CELF2: variants seen among roughly 807,000 people sequenced by gnomAD.
The protein encoded by CELF2 is CUGBP Elav-like family member 2.
A neutral mutation model predicts 62.6 loss-of-function variants in CELF2; 8 were observed. That is an observed-to-expected ratio of 0.13 (90% CI 0.07 to 0.23). CELF2 has a LOEUF of 0.23. CELF2 is among the 10% of genes least tolerant of loss of function. The pLI is 1.00. For synonymous variants in CELF2, 258 were observed against 250.0 expected (o/e 1.03, Z -0.30); for missense variants, 333 against 671.0 (o/e 0.50, Z 5.56).
chr10:11,176,781 A>G (rs913438394), intron 2 of CELF2, among the ~76,000 whole-genome samples: 1 of 152,126 alleles, frequency 6.6e-6, no homozygotes, highest in Non-Finnish European at 1.5e-5. Context: ...ACTACCATCA[A>G]CAAGGCGTTA....
In CELF2 at chr10:10,834,028, C is replaced by T. The variant is rs117895803; in HGVS notation, c.53+35211C>T. On this transcript the variant is annotated intron_variant, in intron 1 of 13. Coordinates refer to the CELF2 transcript ENST00000636488. ...ACTTGTACATGTATGTTCATTGCAG[C>T]ACCATTCACAATAGCAAAGACACGG... Among the ~76,000 whole-genome samples, 1,129 of 152,312 alleles carry T rather than the reference C, an allele frequency of 7.4e-3. 6 individuals carry two copies. The highest frequency in any genetic ancestry group is 0.012 in the Non-Finnish European group (812 of 68,030).
chr10:10,633,142 G>C, the CELF2 span, among the ~76,000 whole-genome samples: 5 of 152,088 alleles, frequency 3.3e-5, no homozygotes, highest in South Asian at 2.1e-4. Context: ...TGGGCTTTTG[G>C]GCTATGCTTA....
rs199791747 is a variant in CELF2, at chr10:11,331,604, TAAAAA to T, written c.*2558_*2562del. On this transcript the variant is annotated 3_prime_UTR_variant, in exon 13 of 13. Coordinates refer to ENST00000633077, the MANE Select transcript of CELF2 (RefSeq NM_001326342.2). Reference sequence around the variant, plus strand: ...GTGTTTTGTATAAATCCCTAATATTTAAAAAAAAAAACAAAACAAAAAAAGGTTAC... The same window carrying T: ...GTGTTTTGTATAAATCCCTAATATTTAAAAAACAAAACAAAAAAAGGTTAC... 6.8e-6 allele frequency: 1 copy of T among 146,184 alleles called. No individual in the cohort carries two copies. Among genetic ancestry groups the T allele is most frequent in the African/African-American group, 2.5e-5 (1 of 39,834 alleles). The allele number at this position is 146,184 out of a possible 1,614,324, so 9.1% of individuals were successfully genotyped here.
At chr10:11,212,615 C>T (rs908737633) in intron 2 of CELF2, among the ~76,000 whole-genome samples, 4 of 152,170 alleles carry the variant, frequency 2.6e-5, no homozygotes, top group Non-Finnish European at 4.4e-5. Context: ...TCTGGGCTCA[C>T]CTCTCCCGAG....
intron 4 of CELF2, 173 bp from the exon 5 acceptor site, chr10:11,257,565 T>A: frequency 3.4e-6 from 2 of 587,776 alleles, no homozygotes; most frequent in Middle Eastern, 2.6e-4. Context: ...TGGGAGGGAG[T>A]GGCAGGGTGG....
chr10:11,189,990 C>T (rs186497008), intron 2 of CELF2, among the ~76,000 whole-genome samples: 2 of 152,178 alleles, frequency 1.3e-5, no homozygotes, highest in African/African-American at 4.8e-5. Context: ...TTTTTGTTGA[C>T]AGCTTCTCTT....
In CELF2 at chr10:11,061,843, C is replaced by A. The variant is rs141490139; in HGVS notation, c.74+43680C>A. ...GTTTGTTTTAATTGAGGCAGAGTCT[C>A]GCTCTGTCACCTAGGCTGGAGTGCA... On this transcript the variant is annotated intron_variant, in intron 1 of 12. Coordinates refer to ENST00000633077, the MANE Select transcript of CELF2 (RefSeq NM_001326342.2). Among the ~76,000 whole-genome samples the A allele has an allele frequency of 9.1e-3, 1,390 of 152,326 alleles. 21 individuals are homozygous for A. The highest frequency in any genetic ancestry group is 0.032 in the African/African-American group (1,318 of 41,570).
At chr10:10,999,071 T>C (rs182650753) in intron 2 of CELF2, among the ~76,000 whole-genome samples, 17 of 152,308 alleles carry the variant, frequency 1.1e-4, no homozygotes, top group African/African-American at 4.1e-4. Flanking sequence ...TCAAGGAATG[T>C]ATCAAATCCT....
At chr10:11,213,103 G>T (rs781053602) in intron 2 of CELF2, among the ~76,000 whole-genome samples, 27 of 141,328 alleles carry the variant, frequency 1.9e-4, no homozygotes, top group Non-Finnish European at 3.2e-4. Context: ...CCTCTAACAT[G>T]GAGCGAGGCC....
At chr10:11,256,498 T>C (rs1486100607) in intron 4 of CELF2, among the ~76,000 whole-genome samples, 1 of 150,570 alleles carries the variant, frequency 6.6e-6, no homozygotes, top group Non-Finnish European at 1.5e-5. Context: ...AAGAAATAGG[T>C]ATGCACAAGT....
intron 2 of CELF2, among the ~76,000 whole-genome samples, chr10:11,180,352 C>T (rs778898459): frequency 6.6e-6 from 1 of 152,184 alleles, no homozygotes; most frequent in Non-Finnish European, 1.5e-5. Flanking sequence ...CCTCCACCAC[C>T]GCTTCTGTGA....
chr10:10,961,653 T>C (rs2049516549), intron 2 of CELF2, among the ~76,000 whole-genome samples: 1 of 150,592 alleles, frequency 6.6e-6, no homozygotes, highest in Non-Finnish European at 1.5e-5. Context: ...GGCTGAGACA[T>C]GAAAATGGCT....
At chr10:10,940,178 C>T (rs1259935699) in intron 2 of CELF2, among the ~76,000 whole-genome samples, 1 of 152,114 alleles carries the variant, frequency 6.6e-6, no homozygotes, top group African/African-American at 2.4e-5. Context: ...ATGTCAGCTA[C>T]CTTAACTCTA....
chr10:10,690,527 A>G, the CELF2 span, among the ~76,000 whole-genome samples: 1 of 152,174 alleles, frequency 6.6e-6, no homozygotes, highest in Non-Finnish European at 1.5e-5. Context: ...CAAGCATCCC[A>G]TCAGTACACA....
At chr10:10,566,138 C>T in the CELF2 span, among the ~76,000 whole-genome samples, 1 of 152,114 alleles carries the variant, frequency 6.6e-6, no homozygotes, top group Non-Finnish European at 1.5e-5. Flanking sequence ...TCTTTACCCT[C>T]AAGGAACTAG....
At chr10:11,292,782 A>G (rs1468282412) in intron 9 of CELF2, among the ~76,000 whole-genome samples, 3 of 152,140 alleles carry the variant, frequency 2.0e-5, no homozygotes, top group Non-Finnish European at 4.4e-5. Flanking sequence ...CACCCTGCTA[A>G]ATGGATTGTC....
At chr10:10,875,970 A>G (rs528780706) in intron 1 of CELF2, among the ~76,000 whole-genome samples, 1 of 152,322 alleles carries the variant, frequency 6.6e-6, no homozygotes, top group East Asian at 1.9e-4. Context: ...CAGCAAGAGA[A>G]AACCTACCTA....
intron 2 of CELF2, among the ~76,000 whole-genome samples, chr10:10,985,722 A>G (rs2052666628): frequency 6.6e-6 from 1 of 152,186 alleles, no homozygotes. Context: ...AAAGCTTTCC[A>G]CTTTGAAATC....
intron 1 of CELF2, among the ~76,000 whole-genome samples, chr10:10,851,863 T>A (rs1330885946): frequency 6.6e-6 from 1 of 152,100 alleles, no homozygotes; most frequent in African/African-American, 2.4e-5. Context: ...CCTAACAGCA[T>A]AAGTCATTAC....
Sources: allele counts gnomAD v4.1 joint callset (sites outside exome capture counted in the v4.1 genomes callset), GRCh38; gene constraint gnomAD v4.1.1; transcripts MANE v1.5; gene names NCBI Gene and HGNC (gene_info 2026-07-23, HGNC 2026-07-21).